WDR25: variants seen among roughly 807,000 people sequenced by gnomAD.
The protein encoded by WDR25 is WD repeat domain 25.
In WDR25, 35 loss-of-function variants were observed where a neutral mutation model predicts 47.7. That is an observed-to-expected ratio of 0.73 (90% CI 0.56 to 0.97). The LOEUF (loss-of-function observed/expected upper bound fraction) is 0.97, where lower values mean the gene tolerates loss of function less well. Ranked by LOEUF, WDR25 falls within the 50% of genes least tolerant of loss-of-function variation. The pLI is 0.00. For missense variants in WDR25, 634 were observed against 704.7 expected (o/e 0.90, Z 1.14); for synonymous variants, 248 against 278.9 (o/e 0.89, Z 1.10).
rs1900981511 is a variant in WDR25 at position 100,502,965 on chromosome 14, CTGTA to C, written c.1101+18845_1101+18848del. On this transcript the variant is annotated intron_variant, in intron 4 of 6. Coordinates refer to ENST00000402312, the MANE Select transcript of WDR25 (RefSeq NM_001161476.3). This position sits in a 1 kb window ranked among gnomAD's most constrained non-coding sequence, Gnocchi z 4.5. ...AGTGTGTGTCTGTGAGTGTGTGTGT[CTGTA>C]TGTGTGTCGGTGCATGTGTGTGTGT... is the stretch of plus-strand genomic sequence containing the variant. 6.6e-6 allele frequency among the ~76,000 whole-genome samples: 1 copy of C among 151,242 alleles called. No individual in the cohort carries two copies. Among genetic ancestry groups the C allele is most frequent in the Non-Finnish European group, 1.5e-5 (1 of 67,790 alleles).
At chr14:100,446,200 G>C (rs1898827460) in intron 2 of WDR25, among the ~76,000 whole-genome samples, 1 of 152,190 alleles carries the variant, frequency 6.6e-6, no homozygotes, top group South Asian at 2.1e-4. Context: ...GGGTCCTGCG[G>C]TGGTGGTCAC....
intron 3 of WDR25, among the ~76,000 whole-genome samples, chr14:100,470,997 C>T (rs1053558915): frequency 6.6e-6 from 1 of 152,186 alleles, no homozygotes; most frequent in Non-Finnish European, 1.5e-5. Context: ...TTCGTTCACT[C>T]CGCAGTTGCT....
At position 100,502,534 on chromosome 14, in the gene WDR25, C is replaced by G. The variant is rs1053005766; in HGVS notation, c.1101+18410C>G. Among the ~76,000 whole-genome samples, 1 of 152,244 alleles carries G rather than the reference C, an allele frequency of 6.6e-6. No individual in the cohort carries two copies. The highest frequency in any genetic ancestry group is 1.5e-5 in the Non-Finnish European group (1 of 68,044). Reference sequence around the variant, plus strand: ...CACTCACAGGCTGCTCCCCACCTGCCAGCTCCAGTTCCACCAGTGTCCTGG... The same window carrying G: ...CACTCACAGGCTGCTCCCCACCTGCGAGCTCCAGTTCCACCAGTGTCCTGG... On this transcript the variant is annotated intron_variant, in intron 4 of 6. Transcript: ENST00000402312. The surrounding 1 kb of genome is among the most constrained non-coding windows in gnomAD (Gnocchi z 4.5).
chr14:100,471,664 G>A (rs576513394), intron 3 of WDR25, among the ~76,000 whole-genome samples: 1 of 152,300 alleles, frequency 6.6e-6, no homozygotes, highest in East Asian at 1.9e-4. Flanking sequence ...GTCACTTGGT[G>A]CCCATTGTCA....
rs1044541192 is a variant in WDR25, at chr14:100,472,272, C to T, written c.970+4104C>T. ...TGCATGGGCCGGCTCTCCTGATGTG[C>T]GCTGGCTCCTCTGAGCCATCTGTGC... On this transcript the variant is annotated intron_variant, in intron 3 of 6. Transcript: ENST00000402312. Among the ~76,000 whole-genome samples, 5 of 152,356 alleles carry T rather than the reference C, an allele frequency of 3.3e-5. No individual in the cohort carries two copies. The South Asian group carries it at 6.2e-4, about 19-fold the overall frequency.
Position 100,449,699 on chromosome 14 carries a change from C to T in WDR25, c.823-18322C>T, listed in dbSNP as rs1027018311. Among the ~76,000 whole-genome samples the T allele has an allele frequency of 3.9e-5, 6 of 152,352 alleles. No individual in the cohort carries two copies. Among genetic ancestry groups the T allele is most frequent in the East Asian group, 1.9e-4 (1 of 5,186 alleles). On this transcript the variant is annotated intron_variant, in intron 2 of 6. Coordinates refer to ENST00000402312, the MANE Select transcript of WDR25 (RefSeq NM_001161476.3). This position sits in a 1 kb window ranked among gnomAD's most constrained non-coding sequence, Gnocchi z 4.2. Reference sequence around the variant, plus strand: ...CTGAGAGCATCCCTGAGTCCCTGCACGTGCATGAAGCAGACAGAGTGATTT... The same window carrying T: ...CTGAGAGCATCCCTGAGTCCCTGCATGTGCATGAAGCAGACAGAGTGATTT...
chr14:100,429,112 G>A (rs1437427539), intron 2 of WDR25, among the ~76,000 whole-genome samples: 4 of 152,128 alleles, frequency 2.6e-5, no homozygotes, highest in Admixed American at 2.0e-4. Flanking sequence ...TTTGTCCCCC[G>A]GGTTTTGATC....
intron 2 of WDR25, among the ~76,000 whole-genome samples, chr14:100,388,868 C>T (rs148915483): frequency 2.0e-5 from 3 of 152,306 alleles, no homozygotes; most frequent in East Asian, 3.9e-4. Flanking sequence ...AGAAAACAGC[C>T]GTGTGAAGGT....
intron 4 of WDR25, among the ~76,000 whole-genome samples, chr14:100,486,354 A>G (rs935752531): frequency 6.6e-6 from 1 of 152,118 alleles, no homozygotes; most frequent in Non-Finnish European, 1.5e-5. Context: ...ATGCTGGGGG[A>G]GAAGCAATTA....
At chr14:100,474,469 G>T (rs536399519) in intron 3 of WDR25, among the ~76,000 whole-genome samples, 1 of 152,158 alleles carries the variant, frequency 6.6e-6, no homozygotes, top group Non-Finnish European at 1.5e-5. Context: ...GTGATGTCTG[G>T]CGTGTGTGTG....
intron 4 of WDR25, among the ~76,000 whole-genome samples, chr14:100,496,508 T>C (rs934692507): frequency 9.2e-5 from 14 of 152,302 alleles, no homozygotes; most frequent in Admixed American, 7.8e-4. Flanking sequence ...TTCTTCTGTC[T>C]GCTTGCTTTG....
rs150286155 is a variant in WDR25, at chr14:100,488,635, A to G, written c.1101+4511A>G. On this transcript the variant is annotated intron_variant, in intron 4 of 6. Coordinates refer to ENST00000402312, the MANE Select transcript of WDR25 (RefSeq NM_001161476.3). This position sits in a 1 kb window ranked among gnomAD's most constrained non-coding sequence, Gnocchi z 4.2. ...GTTAGGATGCAGATTCTGTTTCAGC[A>G]GGTCCAGGTTGGGATAAGATCCTGC... 6.6e-5 allele frequency among the ~76,000 whole-genome samples: 10 copies of G among 152,298 alleles called. 1 individual carries two copies. The East Asian group carries it at 1.9e-3, about 30-fold the overall frequency.
chr14:100,381,531 C>A lies in WDR25; in HGVS notation c.607C>A (p.Pro203Thr). 5.0e-6 allele frequency: 8 copies of A among 1,613,722 alleles called. No individual in the cohort carries two copies. Among genetic ancestry groups the A allele is most frequent in the Non-Finnish European group, 6.8e-6 (8 of 1,179,842 alleles). The change falls in exon 2 of 7, where the codon CCT (proline) becomes ACT (threonine). Residue 203 changes from proline (P) to threonine (T), a missense_variant. Transcript: ENST00000402312. ...TAAAGACGTGGAGCCACAGGGGCCCCCTGCAGGGCGTGCCCCAGCCCCTCT... is the reference window on the plus strand; with the variant it reads ...TAAAGACGTGGAGCCACAGGGGCCCACTGCAGGGCGTGCCCCAGCCCCTCT... Reference protein sequence around the residue: ...KGKDVEPQGPPAGRAPAPLYV... With the variant: ...KGKDVEPQGPTAGRAPAPLYV...
At chr14:100,437,834 C>T (rs2140241783) in intron 2 of WDR25, among the ~76,000 whole-genome samples, 1 of 152,252 alleles carries the variant, frequency 6.6e-6, no homozygotes, top group Non-Finnish European at 1.5e-5. Flanking sequence ...CATTTATCTG[C>T]CCAGCTGCTG....
At chr14:100,513,218 C>T (rs1189026222) in intron 4 of WDR25, among the ~76,000 whole-genome samples, 1 of 152,064 alleles carries the variant, frequency 6.6e-6, no homozygotes, top group Non-Finnish European at 1.5e-5. Context: ...GAACTTAAAC[C>T]CCAAAGGGAT....
chr14:100,426,460 G>A (rs986304796), intron 2 of WDR25, among the ~76,000 whole-genome samples: 1 of 152,346 alleles, frequency 6.6e-6, no homozygotes, highest in South Asian at 2.1e-4. Flanking sequence ...TGGCACTGTG[G>A]CACTGTATTT....
rs766380587 is a variant in WDR25 at position 100,478,090 on chromosome 14, C to CA, written c.971-5897dup. On this transcript the variant is annotated intron_variant, in intron 3 of 6. Transcript: ENST00000402312. ...TGGGCGACAGAGCGAGACTCTGTCT[C>CA]AAAAAAACAAAACAAAACAAAACAA... Among the ~76,000 whole-genome samples, 135 of 135,528 alleles carry CA rather than the reference C, an allele frequency of 1.0e-3. 1 individual carries two copies. Among genetic ancestry groups the CA allele is most frequent in the Middle Eastern group, 7.4e-3 (2 of 270 alleles). The allele number at this position is 135,528 out of a possible 152,430, so 88.9% of individuals were successfully genotyped here.
chr14:100,433,952 A>G (rs1407673102), intron 2 of WDR25, among the ~76,000 whole-genome samples: 1 of 152,062 alleles, frequency 6.6e-6, no homozygotes, highest in African/African-American at 2.4e-5. Context: ...TTGGCCAGGC[A>G]TAGTGGCTCA....
rs528698467 is a variant in WDR25 at position 100,439,333 on chromosome 14, C to T, written c.823-28688C>T. On this transcript the variant is annotated intron_variant, in intron 2 of 6. Transcript: ENST00000402312. ...ACGAAGCTGCTGTTGCTTCAGCCCCCGGACTCCTGTGCATCACAGAGCTGA... is the reference window on the plus strand; with the variant it reads ...ACGAAGCTGCTGTTGCTTCAGCCCCTGGACTCCTGTGCATCACAGAGCTGA... 5.4e-4 allele frequency among the ~76,000 whole-genome samples: 82 copies of T among 152,294 alleles called. 1 individual carries two copies. The highest frequency in any genetic ancestry group is 1.9e-3 in the African/African-American group (79 of 41,562).
Sources: gnomAD v4.1 joint callset for allele counts (sites outside exome capture counted in the v4.1 genomes callset) on GRCh38, gnomAD v4.1.1 for gene constraint, Gnocchi (gnomAD v3.1) non-coding constraint, MANE v1.5 for transcripts, NCBI Gene and HGNC (gene_info 2026-07-23, HGNC 2026-07-21) for gene names.